Variants in WASHC2C observed in about 807,000 individuals in gnomAD.
The protein encoded by WASHC2C is Vaccinia Penetration Factor.
In WASHC2C, 73 loss-of-function variants were observed where a neutral mutation model predicts 142.2. The ratio of observed to expected loss-of-function variants is 0.51; its 90% CI spans 0.43 to 0.62. The LOEUF (loss-of-function observed/expected upper bound fraction) is 0.62, where lower values mean the gene tolerates loss of function less well. Among genes scored for constraint, WASHC2C ranks in the 20% least tolerant of loss-of-function variants. The pLI, the probability that WASHC2C is intolerant of heterozygous loss-of-function variation, is 0.00. For missense variants in WASHC2C, 969 were observed against 1,531.7 expected (o/e 0.63, Z 6.13); for synonymous variants, 337 against 565.5 (o/e 0.60, Z 5.73).
chr10:45,792,088 T>C (rs1415528792), intron 30 of WASHC2C, among the ~76,000 whole-genome samples, 173 bp from the exon 31 acceptor site: 2 of 144,290 alleles, frequency 1.4e-5, no homozygotes, highest in African/African-American at 2.5e-5. Flanking sequence ...TCATAAAATT[T>C]AATGAGTAAC....
Position 45,790,483 on chromosome 10 carries a change from A to T in WASHC2C, c.3836A>T (p.Glu1279Val). The T allele has an allele frequency of 3.7e-6, 6 of 1,611,046 alleles. No individual in the cohort carries two copies. The highest frequency in any genetic ancestry group is 5.1e-6 in the Non-Finnish European group (6 of 1,179,412). The change falls in exon 30 of 31, where the codon GAA becomes GTA. Residue 1279 changes from glutamate to valine, a missense_variant. By Grantham distance (121) the Glu-to-Val change is moderately radical (BLOSUM62 -2). Coordinates refer to ENST00000623400, the MANE Select transcript of WASHC2C (RefSeq NM_001330074.2). ...IFADLTVKPK[E>V]KSKKKVEAKS... is the part of the protein sequence containing the mutation. ...GCTGACTTAACTGTAAAACCAAAAG[A>T]AAAGTCCAAAAAGAAAGTGGAAGCC...
chr10:45,787,299 A>G (rs2058111996), intron 28 of WASHC2C, 52 bp downstream of exon 28: 9 of 798,174 alleles, frequency 1.1e-5, no homozygotes, highest in Non-Finnish European at 1.5e-5. Context: ...CAGAACATGC[A>G]TATGCTTCTT....
rs2135834811 is a variant in WASHC2C, at chr10:45,790,402, G to T, written c.3755G>T (p.Arg1252Ile). 6.2e-7 allele frequency: 1 copy of T among 1,611,270 alleles called. No individual in the cohort carries two copies. Among genetic ancestry groups the T allele is most frequent in the Admixed American group, 1.7e-5 (1 of 59,796 alleles). ...GCAATTAAACCCTCTCAGAAAACCA[G>T]AGAGAAGGAGAAAACATTGGAATCT... is the stretch of plus-strand genomic sequence containing the variant. ...TEAIKPSQKTREKEKTLESNL... is the reference protein window; with the variant it reads ...TEAIKPSQKTIEKEKTLESNL... Residue 1252 changes from arginine (R) to isoleucine (I), a missense_variant, in exon 30 of 31, where the codon AGA (arginine) becomes ATA (isoleucine). By Grantham distance (97) the Arg-to-Ile change is moderately conservative. Transcript: ENST00000623400.
chr10:45,750,936 C>T, intron 10 of WASHC2C, 98 bp downstream of exon 10: 1 of 872,010 alleles, frequency 1.1e-6, no homozygotes, highest in Non-Finnish European at 1.8e-6. Flanking sequence ...TTAGTAATTA[C>T]TACATATATT....
chr10:45,790,215 G>A, intron 29 of WASHC2C, 141 bp from the exon 30 acceptor site: 1 of 1,386,630 alleles, frequency 7.2e-7, no homozygotes, highest in Non-Finnish European at 9.9e-7. Flanking sequence ...ATCTGGGGTA[G>A]TGCATCCCAG....
intron 6 of WASHC2C, 44 bp from the exon 7 acceptor site, chr10:45,744,777 C>T: frequency 1.9e-6 from 1 of 537,782 alleles, no homozygotes; most frequent in Non-Finnish European, 3.3e-6. Context: ...AGGACATTTT[C>T]TTGTGAATAT....
intron 21 of WASHC2C, among the ~76,000 whole-genome samples, chr10:45,776,024 A>G (rs1473131004): frequency 6.6e-6 from 1 of 152,170 alleles, no homozygotes; most frequent in Admixed American, 6.5e-5. Context: ...AGGATGTTCC[A>G]CAAAAGCCTT....
At chr10:45,727,733 C>A (rs887854620) in intron 2 of WASHC2C, among the ~76,000 whole-genome samples, 194 bp downstream of exon 2, 1 of 152,200 alleles carries the variant, frequency 6.6e-6, no homozygotes, top group Non-Finnish European at 1.5e-5. Context: ...AGACCCTGAC[C>A]GTGGCCCAGA....
chr10:45,787,337 G>A, intron 28 of WASHC2C, 90 bp downstream of exon 28: 1 of 1,325,154 alleles, frequency 7.5e-7, no homozygotes, highest in Non-Finnish European at 1.1e-6. Flanking sequence ...ATACACAGCA[G>A]TCTTTGACTC....
At chr10:45,775,279 A>G (rs61855831) in intron 21 of WASHC2C, among the ~76,000 whole-genome samples, 139,092 of 140,262 alleles carry the variant, frequency 0.99, 69,020 homozygotes, top group Middle Eastern at 1. Context: ...CTGAGGTCAG[A>G]AGTTTAGGAC....
At chr10:45,745,273 A>G (rs1309922032) in intron 7 of WASHC2C, among the ~76,000 whole-genome samples, 1 of 152,108 alleles carries the variant, frequency 6.6e-6, no homozygotes, top group Non-Finnish European at 1.5e-5. Flanking sequence ...TTTGTAAACT[A>G]TAAAACCTAG....
At chr10:45,747,223 C>T (rs1233434279) in intron 8 of WASHC2C, among the ~76,000 whole-genome samples, 1 of 152,142 alleles carries the variant, frequency 6.6e-6, no homozygotes, top group Non-Finnish European at 1.5e-5. Flanking sequence ...TCACTGCAAC[C>T]TCCGCCTCCT....
chr10:45,754,301 A>G (rs2053975737), intron 13 of WASHC2C, among the ~76,000 whole-genome samples, 185 bp from the exon 14 acceptor site: 2 of 151,960 alleles, frequency 1.3e-5, no homozygotes, highest in African/African-American at 4.8e-5. Flanking sequence ...GTTAATCCCA[A>G]AAAAAAAGTC....
At chr10:45,745,859 C>T (rs1226971201) in intron 7 of WASHC2C, among the ~76,000 whole-genome samples, 6 of 150,204 alleles carry the variant, frequency 4.0e-5, no homozygotes, top group Admixed American at 6.6e-5. Flanking sequence ...CATGCTGGTG[C>T]GCTGCACCCA....
chr10:45,777,054 C>A (rs1222100854), intron 21 of WASHC2C, among the ~76,000 whole-genome samples: 1 of 151,852 alleles, frequency 6.6e-6, no homozygotes, highest in South Asian at 2.1e-4. Context: ...TAGACAGATA[C>A]AGGTGATATG....
chr10:45,746,709 C>T lies in WASHC2C; in HGVS notation c.732+62C>T, dbSNP rs1442250197. ...TTTTAATTGAAGCATAGTATATATA[C>T]TAAAATTACTTTGGAATGATTTATG... On this transcript the variant is annotated intron_variant, in intron 8 of 30. Coordinates refer to ENST00000623400, the MANE Select transcript of WASHC2C (RefSeq NM_001330074.2). 10 of 1,586,152 alleles carry T rather than the reference C, an allele frequency of 6.3e-6. No homozygotes were observed. The South Asian group carries it at 6.7e-5, about 11-fold the overall frequency.
At chr10:45,729,213 C>G (rs1363934084) in intron 3 of WASHC2C, among the ~76,000 whole-genome samples, 187 bp downstream of exon 3, 1 of 152,012 alleles carries the variant, frequency 6.6e-6, no homozygotes, top group South Asian at 2.1e-4. Flanking sequence ...TTCCAAGCCT[C>G]TAAAAAAGTC....
Position 45,728,976 on chromosome 10 carries a change from A to G in WASHC2C, c.241A>G (p.Asn81Asp), listed in dbSNP as rs1253128168. Residue 81 changes from asparagine to aspartate, a missense_variant, in exon 3 of 31, where the codon AAT (asparagine) becomes GAT (aspartate). Coordinates refer to ENST00000623400, the MANE Select transcript of WASHC2C (RefSeq NM_001330074.2). Reference sequence around the variant, plus strand: ...CAAAGCCACAGATTGTCGCCTGCATAATGTCTTCAATGACTTCCTTATGCT... The same window carrying G: ...CAAAGCCACAGATTGTCGCCTGCATGATGTCTTCAATGACTTCCTTATGCT... ...ETKATDCRLH[N>D]VFNDFLMLSN... The G allele has an allele frequency of 1.5e-5, 25 of 1,613,848 alleles. No homozygotes were observed. Among genetic ancestry groups the G allele is most frequent in the Non-Finnish European group, 2.1e-5 (25 of 1,179,866 alleles).
chr10:45,728,979 G>A lies in WASHC2C; in HGVS notation c.244G>A (p.Val82Ile), dbSNP rs1199028770. 9.9e-6 allele frequency: 16 copies of A among 1,613,976 alleles called. No homozygotes were observed. Among genetic ancestry groups the A allele is most frequent in the Non-Finnish European group, 1.4e-5 (16 of 1,179,858 alleles). Residue 82 changes from valine (V) to isoleucine (I), a missense_variant, in exon 3 of 31, where the codon GTC becomes ATC. Coordinates refer to ENST00000623400, the MANE Select transcript of WASHC2C (RefSeq NM_001330074.2). The stretch of plus-strand genomic sequence containing the variant: ...AGCCACAGATTGTCGCCTGCATAAT[G>A]TCTTCAATGACTTCCTTATGCTCTC... The part of the protein sequence containing the change: ...TKATDCRLHN[V>I]FNDFLMLSNT...
Sources: allele counts gnomAD v4.1 joint callset (sites outside exome capture counted in the v4.1 genomes callset), GRCh38; gene constraint gnomAD v4.1.1; transcripts MANE v1.5; gene names NCBI Gene and HGNC (gene_info 2026-07-23, HGNC 2026-07-21).